Variants in SV2C observed in about 807,000 individuals in gnomAD.
The protein encoded by SV2C is synaptic vesicle glycoprotein 2C.
In SV2C, 49 loss-of-function variants were observed where a neutral mutation model predicts 79.7. The ratio of observed to expected loss-of-function variants is 0.61; its 90% CI spans 0.49 to 0.78. The LOEUF (loss-of-function observed/expected upper bound fraction) is 0.78, where lower values mean the gene tolerates loss of function less well. SV2C is among the 30% of genes least tolerant of loss of function. The pLI is 0.00. For synonymous variants in SV2C, 334 were observed against 333.2 expected (o/e 1.00, Z -0.03); for missense variants, 833 against 912.9 (o/e 0.91, Z 1.13).
chr5:76,031,285 C>T, the SV2C span, among the ~76,000 whole-genome samples: 1 of 152,208 alleles, frequency 6.6e-6, no homozygotes, highest in East Asian at 1.9e-4. Flanking sequence ...ACACCTGATG[C>T]CAGTGCTTTC....
upstream of SV2C, among the ~76,000 whole-genome samples, chr5:76,082,636 C>G: frequency 2.9e-5 from 1 of 34,110 alleles, no homozygotes; most frequent in South Asian, 1.5e-3. Context: ...CTCTCTCCAC[C>G]CCCCCCCCCT....
the SV2C span, among the ~76,000 whole-genome samples, chr5:75,952,512 G>A: frequency 6.6e-6 from 1 of 151,804 alleles, no homozygotes; most frequent in Non-Finnish European, 1.5e-5. Context: ...CCTGGTGGGA[G>A]GTATTGGATC....
At chr5:75,901,195 T>G in the SV2C span, among the ~76,000 whole-genome samples, 2 of 152,176 alleles carry the variant, frequency 1.3e-5, no homozygotes, top group African/African-American at 4.8e-5. Flanking sequence ...TCTGCTCTGT[T>G]TTTTCCCCAT....
At chr5:75,986,119 G>A in the SV2C span, among the ~76,000 whole-genome samples, 1 of 145,292 alleles carries the variant, frequency 6.9e-6, no homozygotes, top group East Asian at 2.3e-4. Flanking sequence ...TACCACAACC[G>A]ACTTCAGTAT....
chr5:75,951,810 G>A, the SV2C span, among the ~76,000 whole-genome samples: 1 of 152,100 alleles, frequency 6.6e-6, no homozygotes, highest in African/African-American at 2.4e-5. Context: ...TTATGAATTT[G>A]CCTTTTCTGC....
the SV2C span, chr5:75,910,667 A>C: frequency 8.8e-7 from 1 of 1,134,386 alleles, no homozygotes; most frequent in Non-Finnish European, 1.3e-6. Context: ...TGCCAAGAAG[A>C]AAGACGAGGC....
At chr5:76,178,978 A>G (rs550806872) in intron 2 of SV2C, among the ~76,000 whole-genome samples, 7 of 152,354 alleles carry the variant, frequency 4.6e-5, no homozygotes, top group African/African-American at 7.2e-5. Flanking sequence ...TGTGCCTACA[A>G]TAGTGTAGCC....
intron 12 of SV2C, among the ~76,000 whole-genome samples, chr5:76,320,567 G>A (rs1282749659): frequency 6.6e-6 from 1 of 152,080 alleles, no homozygotes; most frequent in Admixed American, 6.6e-5. Flanking sequence ...TAAACCTAAA[G>A]CTGCTCAAAA....
intron 4 of SV2C, among the ~76,000 whole-genome samples, chr5:76,264,508 G>A (rs1746581209): frequency 6.6e-6 from 1 of 152,090 alleles, no homozygotes; most frequent in South Asian, 2.1e-4. Context: ...TGAAGGATAA[G>A]AGGCATTCTG....
At chr5:76,242,638 G>A (rs565725236) in intron 4 of SV2C, among the ~76,000 whole-genome samples, 1 of 152,278 alleles carries the variant, frequency 6.6e-6, no homozygotes. Flanking sequence ...CACAGATAGT[G>A]GGTACAGGGC....
chr5:75,902,933 A>C, the SV2C span, among the ~76,000 whole-genome samples: 1 of 152,306 alleles, frequency 6.6e-6, no homozygotes, highest in South Asian at 2.1e-4. Context: ...TAAAAGGCTA[A>C]TGTTGACTGT....
At chr5:76,106,596 CCTT>C (rs1210892642) in intron 1 of SV2C, among the ~76,000 whole-genome samples, 2 of 152,182 alleles carry the variant, frequency 1.3e-5, no homozygotes, top group East Asian at 3.8e-4. Context: ...ACACTGGCCT[CCTT>C]CCTGTTTCTT....
At chr5:76,157,765 G>GTA (rs1011326924) in intron 2 of SV2C, among the ~76,000 whole-genome samples, 2 of 151,532 alleles carry the variant, frequency 1.3e-5, no homozygotes, top group East Asian at 1.9e-4. Context: ...ATATAAATAT[G>GTA]TATATATATA....
Position 76,285,762 on chromosome 5 carries a change from G to A in SV2C, c.1048-19G>A. 1 of 1,609,402 alleles carries A rather than the reference G, an allele frequency of 6.2e-7. No homozygotes were observed. The highest frequency in any genetic ancestry group is 8.5e-7 in the Non-Finnish European group (1 of 1,176,474). On this transcript the variant is annotated intron_variant, in intron 5 of 12. Transcript: ENST00000502798. Reference sequence around the variant, plus strand: ...AGTGTGTCACTCCTAGCGCTTCACTGTCCACTCTCATTTCTTAGGTTGGAA... The same window carrying A: ...AGTGTGTCACTCCTAGCGCTTCACTATCCACTCTCATTTCTTAGGTTGGAA...
At chr5:76,031,416 G>A in the SV2C span, among the ~76,000 whole-genome samples, 170 of 151,988 alleles carry the variant, frequency 1.1e-3, no homozygotes, top group Non-Finnish European at 2.0e-3. Context: ...CGCTGGAGCA[G>A]TAGGCAAGAC....
At chr5:75,919,324 C>G in the SV2C span, among the ~76,000 whole-genome samples, 1 of 152,186 alleles carries the variant, frequency 6.6e-6, no homozygotes. Flanking sequence ...CTCTGTTTTT[C>G]TTCTCTGGAC....
the SV2C span, among the ~76,000 whole-genome samples, chr5:75,936,197 C>T: frequency 1.3e-5 from 2 of 152,238 alleles, no homozygotes; most frequent in Admixed American, 6.5e-5. Flanking sequence ...GCTATGTCTT[C>T]CCTCTCTCTC....
At chr5:76,030,281 T>G in the SV2C span, among the ~76,000 whole-genome samples, 2 of 113,370 alleles carry the variant, frequency 1.8e-5, no homozygotes, top group Non-Finnish European at 1.7e-5. Context: ...TTTTTTTTTT[T>G]TTTTTTTTTT....
At chr5:75,867,460 G>T in the SV2C span, among the ~76,000 whole-genome samples, 1 of 152,142 alleles carries the variant, frequency 6.6e-6, no homozygotes, top group East Asian at 1.9e-4. Flanking sequence ...AAGGAGAGAA[G>T]GAAAGGAGAA....
Sources: allele counts gnomAD v4.1 joint callset (sites outside exome capture counted in the v4.1 genomes callset), GRCh38; gene constraint gnomAD v4.1.1; transcripts MANE v1.5; gene names NCBI Gene and HGNC (gene_info 2026-07-23, HGNC 2026-07-21).